INTS9: variants seen among roughly 807,000 people sequenced by gnomAD.
The protein encoded by INTS9 is integrator complex subunit 9.
INTS9 carries 55 observed loss-of-function variants against 79.7 expected under a neutral mutation model. That is an observed-to-expected ratio of 0.69 (90% CI 0.56 to 0.86). The LOEUF is 0.86. Among genes scored for constraint, INTS9 ranks in the 40% least tolerant of loss-of-function variants. The probability of loss-of-function intolerance (pLI) is 0.00; values close to 1 mark genes in which losing one functional copy is unlikely to be tolerated. For missense variants in INTS9, 721 were observed against 831.5 expected, an observed-to-expected ratio of 0.87 and a Z score of 1.64; for synonymous variants, 319 against 325.2, an observed-to-expected ratio of 0.98 and a Z score of 0.20.
intron 6 of INTS9, 83 bp from the exon 7 acceptor site, chr8:28,813,695 G>A: frequency 1.4e-6 from 2 of 1,449,950 alleles, no homozygotes; most frequent in East Asian, 4.6e-5. Context: ...TTGTCCATTT[G>A]ATCCAAATGG....
intron 1 of INTS9, among the ~76,000 whole-genome samples, chr8:28,873,478 A>T (rs914912017): frequency 6.6e-6 from 1 of 152,258 alleles, no homozygotes. Context: ...CAAATGAGAC[A>T]TAAGGTATAG....
At chr8:28,844,825 A>T (rs995058705) in intron 4 of INTS9, among the ~76,000 whole-genome samples, 66 of 152,192 alleles carry the variant, frequency 4.3e-4, no homozygotes, top group South Asian at 1.0e-3. Flanking sequence ...CAAAAAAAAA[A>T]TTTTTCTTTT....
intron 1 of INTS9, among the ~76,000 whole-genome samples, chr8:28,884,881 A>T (rs1810102029): frequency 6.6e-6 from 1 of 152,218 alleles, no homozygotes; most frequent in Admixed American, 6.5e-5. Context: ...TCCTGTTTTC[A>T]TGTACAACCT....
In INTS9 at chr8:28,813,489, C is replaced by CA; in HGVS notation, c.609+2dup. ...ATAACTGAAATGTAATATGAATACT[C>CA]ACAATTTTCTGAGAATATCCCACCA... On this transcript the variant is annotated splice_region_variant and intron_variant, in intron 7 of 16. Transcript: ENST00000521022. The CA allele has an allele frequency of 6.2e-7, 1 of 1,612,746 alleles. No individual in the cohort carries two copies. Among genetic ancestry groups the CA allele is most frequent in the South Asian group, 1.1e-5 (1 of 90,972 alleles).
At chr8:28,794,445 T>C (rs1013472046) in intron 9 of INTS9, among the ~76,000 whole-genome samples, 2 of 152,124 alleles carry the variant, frequency 1.3e-5, no homozygotes, top group Non-Finnish European at 2.9e-5. Context: ...TGCAGGAAAA[T>C]CCCCTATACT....
rs1200614685 is a variant in INTS9, at chr8:28,769,980, C to T, written c.1709G>A (p.Arg570Gln). The T allele has an allele frequency of 4.3e-6, 7 of 1,614,074 alleles. No individual in the cohort carries two copies. The highest frequency in any genetic ancestry group is 5.9e-6 in the Non-Finnish European group (7 of 1,180,040). ...GCAGTCTGGTACGTCATCGCTCACC[C>T]GCTTTCTCTTCTTCCCGCTCGTGGG... ...AQPTSGKKRK[R>Q]VSDDVPDCKV... Residue 570 changes from arginine to glutamine, a missense_variant, in exon 16 of 17, where the codon CGG becomes CAG. Arg to Gln is a conservative substitution (Grantham distance 43). This residue lies in a region of INTS9 where 281 missense variants were observed against 300.8 expected (regional missense o/e 0.93). Transcript: ENST00000521022.
intron 1 of INTS9, chr8:28,862,097 T>C (rs1808494510): frequency 3.0e-6 from 3 of 985,324 alleles, no homozygotes; most frequent in African/African-American, 1.7e-5. Context: ...CACACACTTG[T>C]ACAGGAGGCG....
At chr8:28,780,053 G>GTTTT (rs66631307) in intron 12 of INTS9, among the ~76,000 whole-genome samples, 5 of 137,096 alleles carry the variant, frequency 3.6e-5, no homozygotes, top group Non-Finnish European at 4.7e-5. Context: ...TCAAATCAAG[G>GTTTT]TTTTTTTTTT....
chr8:28,777,119 C>G (rs774463292), intron 13 of INTS9, among the ~76,000 whole-genome samples: 1 of 152,142 alleles, frequency 6.6e-6, no homozygotes, highest in African/African-American at 2.4e-5. Context: ...TGTGAAAGGG[C>G]CTCTCTCATC....
At chr8:28,874,988 G>A (rs1030447143) in intron 1 of INTS9, among the ~76,000 whole-genome samples, 2 of 152,162 alleles carry the variant, frequency 1.3e-5, no homozygotes, top group African/African-American at 2.4e-5. Context: ...CATCTTACAT[G>A]GATGTCAGCA....
In INTS9 at chr8:28,837,563, T is replaced by C. The variant is rs1806880037; in HGVS notation, c.401+74A>G. 6.7e-6 allele frequency: 10 copies of C among 1,500,122 alleles called. No homozygotes were observed. The East Asian group carries it at 9.6e-5, about 14-fold the overall frequency. The allele number at this position is 1,500,122 out of a possible 1,614,324, so 92.9% of individuals were successfully genotyped here. Reference sequence around the variant, plus strand: ...GAACTAACCACCAGCCCTGGTATAATACTGTGATAGCGTCATCACTGAGGG... The same window carrying C: ...GAACTAACCACCAGCCCTGGTATAACACTGTGATAGCGTCATCACTGAGGG... On this transcript the variant is annotated intron_variant, in intron 5 of 16. Transcript: ENST00000521022.
chr8:28,886,441 T>G (rs1258463805), intron 1 of INTS9, among the ~76,000 whole-genome samples: 1 of 152,060 alleles, frequency 6.6e-6, no homozygotes, highest in African/African-American at 2.4e-5. Context: ...AAAGACAGGT[T>G]TTGCCATGTT....
At chr8:28,860,988 T>C (rs1389199878) in intron 1 of INTS9, among the ~76,000 whole-genome samples, 2 of 152,238 alleles carry the variant, frequency 1.3e-5, no homozygotes, top group Non-Finnish European at 2.9e-5. Flanking sequence ...GTTCTAAAAA[T>C]GGTAAGGCCA....
chr8:28,793,779 C>CACACA, intron 10 of INTS9, 28 bp downstream of exon 10: 2 of 1,188,016 alleles, frequency 1.7e-6, no homozygotes, highest in Non-Finnish European at 2.3e-6. Flanking sequence ...ATAAAATTCA[C>CACACA]AAAAAAAAAA....
chr8:28,820,335 T>A (rs1027755479), intron 6 of INTS9, among the ~76,000 whole-genome samples: 1 of 152,228 alleles, frequency 6.6e-6, no homozygotes, highest in Non-Finnish European at 1.5e-5. Context: ...GGAGCTCTTT[T>A]AGGGCAGGCC....
chr8:28,881,301 G>T (rs1757487116), intron 1 of INTS9, among the ~76,000 whole-genome samples: 1 of 139,670 alleles, frequency 7.2e-6, no homozygotes, highest in African/African-American at 2.6e-5. Flanking sequence ...GGAGGGAGGT[G>T]GGGGGATCAG....
intron 11 of INTS9, among the ~76,000 whole-genome samples, chr8:28,785,755 G>A (rs1207189919): frequency 2.0e-5 from 3 of 152,124 alleles, no homozygotes; most frequent in Non-Finnish European, 4.4e-5. Context: ...ATACGTATGT[G>A]CACAGACACA....
At chr8:28,881,338 C>CGGGA (rs1809779962) in intron 1 of INTS9, among the ~76,000 whole-genome samples, 3 of 134,818 alleles carry the variant, frequency 2.2e-5, no homozygotes, top group East Asian at 2.4e-4. Flanking sequence ...CCGCCCCGTC[C>CGGGA]GGGAGGTGAG....
chr8:28,826,762 G>A (rs1035058975), intron 6 of INTS9, among the ~76,000 whole-genome samples: 1 of 152,184 alleles, frequency 6.6e-6, no homozygotes, highest in Admixed American at 6.6e-5. Context: ...CCCAGCCTAA[G>A]TCTTGCCATT....
Sources: allele counts gnomAD v4.1 joint callset (sites outside exome capture counted in the v4.1 genomes callset), GRCh38; gene constraint gnomAD v4.1.1; regional missense constraint gnomAD v4.1.1; transcripts MANE v1.5; gene names NCBI Gene and HGNC (gene_info 2026-07-23, HGNC 2026-07-21).